Variants in SBNO2 observed in about 807,000 individuals in gnomAD.
SBNO2 encodes the protein strawberry notch homolog 2.
Under a neutral mutation model 146.3 loss-of-function variants are expected in SBNO2, and 89 were observed. The observed-to-expected ratio is 0.61, with a 90% CI of 0.51 to 0.73. The LOEUF (loss-of-function observed/expected upper bound fraction) is 0.73, where lower values mean the gene tolerates loss of function less well. Among genes scored for constraint, SBNO2 ranks in the 30% least tolerant of loss-of-function variants. The pLI is 0.00. For missense variants in SBNO2, 2,092 were observed against 2,003.7 expected (o/e 1.04, Z -0.84); for synonymous variants, 1,147 against 892.6 (o/e 1.29, Z -5.08).
In SBNO2 at chr19:1,110,957, A is replaced by AG; in HGVS notation, c.2884+61dup. ...CTCTCCCTGCTTTGCTCACCACCCGAGGCCAAGGTTGCATGAGATGAGAGA... is the reference window on the plus strand; with the variant it reads ...CTCTCCCTGCTTTGCTCACCACCCGAGGGCCAAGGTTGCATGAGATGAGAGA... On this transcript the variant is annotated intron_variant, in intron 25 of 31. Coordinates refer to ENST00000361757, the MANE Select transcript of SBNO2 (RefSeq NM_014963.3). The surrounding 1 kb of genome is among the most constrained non-coding windows in gnomAD (Gnocchi z 4.9). 6.2e-7 allele frequency: 1 copy of AG among 1,610,578 alleles called. No homozygotes were observed. The highest frequency in any genetic ancestry group is 8.5e-7 in the Non-Finnish European group (1 of 1,177,680).
chr19:1,120,228 G>A (rs2079884465), intron 11 of SBNO2: 1 of 582,024 alleles, frequency 1.7e-6, no homozygotes, highest in African/African-American at 1.9e-5. Flanking sequence ...CCATTAGATG[G>A]GTGTGGCCTG....
At chr19:1,124,945 G>A (rs2079948373) in intron 5 of SBNO2, among the ~76,000 whole-genome samples, 1 of 152,132 alleles carries the variant, frequency 6.6e-6, no homozygotes, top group Non-Finnish European at 1.5e-5. Context: ...AGACAGTGTG[G>A]ACCCCGGGAC....
intron 1 of SBNO2, among the ~76,000 whole-genome samples, chr19:1,162,446 C>G (rs1255684478): frequency 6.9e-6 from 1 of 145,216 alleles, no homozygotes; most frequent in Non-Finnish European, 1.5e-5. Context: ...GGTGAAAGAG[C>G]GAGACTCCGT....
At chr19:1,127,513 G>A (rs1324341888) in intron 5 of SBNO2, 91 bp downstream of exon 5, 2 of 1,224,070 alleles carry the variant, frequency 1.6e-6, no homozygotes, top group African/African-American at 2.9e-5. Flanking sequence ...CAGAGTGGGG[G>A]AGACTGAGAC....
intron 4 of SBNO2, among the ~76,000 whole-genome samples, chr19:1,142,674 C>T (rs1040774976): frequency 6.6e-6 from 1 of 150,624 alleles, no homozygotes; most frequent in Non-Finnish European, 1.5e-5. Context: ...AGCGAGACTC[C>T]GTCTCAAAAA....
rs112086870 is a variant in SBNO2, at chr19:1,162,015, C to T, written c.-126-7613G>A. On this transcript the variant is annotated intron_variant, in intron 1 of 31. Coordinates refer to ENST00000361757, the MANE Select transcript of SBNO2 (RefSeq NM_014963.3). ...CGTCCTGGCCCAAGGTGAGCGGGCA[C>T]GGCCACAGATGGCGCCTGGGGCCTT... Among the ~76,000 whole-genome samples the T allele has an allele frequency of 2.6e-3, 394 of 148,746 alleles. 4 individuals are homozygous for T. The highest frequency in any genetic ancestry group is 9.4e-3 in the African/African-American group (377 of 40,206).
chr19:1,112,672 A>T lies in SBNO2; in HGVS notation c.2380-135T>A. The T allele has an allele frequency of 7.0e-7, 1 of 1,432,762 alleles. No individual in the cohort carries two copies. The highest frequency in any genetic ancestry group is 9.2e-7 in the Non-Finnish European group (1 of 1,085,052). The allele number at this position is 1,432,762 out of a possible 1,614,324, so 88.8% of individuals were successfully genotyped here. The stretch of plus-strand genomic sequence containing the variant: ...GCAGCGAGAGGCCTGCGGGGCGCGG[A>T]CACCACCCGCCACACGGCCACTCGC... On this transcript the variant is annotated intron_variant, in intron 20 of 31. Coordinates refer to ENST00000361757, the MANE Select transcript of SBNO2 (RefSeq NM_014963.3). This position sits in a 1 kb window ranked among gnomAD's most constrained non-coding sequence, Gnocchi z 5.9.
rs781001227 is a variant in SBNO2, at chr19:1,109,391, C to T, written c.3249G>A (p.Ala1083=). 3.2e-6 allele frequency: 5 copies of T among 1,570,160 alleles called. No individual in the cohort carries two copies. Among genetic ancestry groups the T allele is most frequent in the East Asian group, 2.4e-5 (1 of 42,376 alleles). The change falls in exon 29 of 32, where the codon GCG becomes GCA. Residue 1083 remains alanine (A), a synonymous_variant. Transcript: ENST00000361757. The surrounding 1 kb of genome is among the most constrained non-coding windows in gnomAD (Gnocchi z 4.2). ...VRGNKPSCLL[A]EQNRGQFFTV... ...TGAAGAACTGGCCGCGGTTCTGCTC[C>T]GCCAGCAGGCAGCTGGGCTTGTTAC... is the stretch of plus-strand genomic sequence containing the variant.
chr19:1,168,069 G>A (rs1167649123), intron 1 of SBNO2, among the ~76,000 whole-genome samples: 1 of 152,156 alleles, frequency 6.6e-6, no homozygotes, highest in Non-Finnish European at 1.5e-5. Context: ...CTTGTGGGCA[G>A]GAATGTGGCC....
intron 1 of SBNO2, among the ~76,000 whole-genome samples, chr19:1,156,564 GCA>G (rs1311921204): frequency 6.6e-6 from 1 of 152,102 alleles, no homozygotes; most frequent in Non-Finnish European, 1.5e-5. Flanking sequence ...GTCCACAGCA[GCA>G]CCACTCACAA....
At chr19:1,164,846 GAGGAAC>G in intron 1 of SBNO2, among the ~76,000 whole-genome samples, 1 of 81,596 alleles carries the variant, frequency 1.2e-5, no homozygotes, top group Non-Finnish European at 2.6e-5. Flanking sequence ...GGAGGAGGAG[GAGGAAC>G]AGGAGGAGGA....
intron 4 of SBNO2, among the ~76,000 whole-genome samples, chr19:1,133,249 G>A (rs903305490): frequency 5.3e-5 from 8 of 152,182 alleles, no homozygotes; most frequent in African/African-American, 1.9e-4. Flanking sequence ...CGCGCAGGTG[G>A]CCACGGCTCC....
chr19:1,166,721 C>T (rs1169488414), intron 1 of SBNO2, among the ~76,000 whole-genome samples: 1 of 152,154 alleles, frequency 6.6e-6, no homozygotes, highest in Non-Finnish European at 1.5e-5. Context: ...CTAACCTACA[C>T]GTCTTTTTCT....
chr19:1,110,729 C>CG lies in SBNO2; in HGVS notation c.3028+15dup. 1 of 1,613,354 alleles carries CG rather than the reference C, an allele frequency of 6.2e-7. No homozygotes were observed. The highest frequency in any genetic ancestry group is 8.5e-7 in the Non-Finnish European group (1 of 1,179,614). ...ACCCACACCCACCCACACCACACCC[C>CG]GGCACCTGTGCTCACCCAGGATGCC... On this transcript the variant is annotated intron_variant, in intron 26 of 31. Transcript: ENST00000361757. This position sits in a 1 kb window ranked among gnomAD's most constrained non-coding sequence, Gnocchi z 4.9.
chr19:1,153,573 T>G (rs2080261935), intron 2 of SBNO2, among the ~76,000 whole-genome samples: 2 of 151,760 alleles, frequency 1.3e-5, no homozygotes, highest in Admixed American at 6.6e-5. Flanking sequence ...GTCTCACTCT[T>G]GTCGCCCAGG....
At chr19:1,156,648 G>A (rs1024595435) in intron 1 of SBNO2, among the ~76,000 whole-genome samples, 1 of 152,240 alleles carries the variant, frequency 6.6e-6, no homozygotes, top group Non-Finnish European at 1.5e-5. Flanking sequence ...GCCCATCCAC[G>A]TGCCAGAACA....
rs372566816 is a variant in SBNO2, at chr19:1,109,129, C to T, written c.3425+6G>A. On this transcript the variant is annotated splice_donor_region_variant and intron_variant, in intron 30 of 31. Transcript: ENST00000361757. This position sits in a 1 kb window ranked among gnomAD's most constrained non-coding sequence, Gnocchi z 4.2. ...GGTTTCCCCCTGGTCCCCGGCCCGC[C>T]CTCACCAGGCGCTGTGGCTGCAGTG... 1 of 1,551,250 alleles carries T rather than the reference C, an allele frequency of 6.4e-7. No homozygotes were observed. The highest frequency in any genetic ancestry group is 1.2e-5 in the South Asian group (1 of 84,186).
chr19:1,135,530 C>T lies in SBNO2; in HGVS notation c.280-7765G>A, dbSNP rs180785667. Reference sequence around the variant, plus strand: ...GCAGGTCAGACTGAGGATAGGGGTGCGCCGCCTAGGGACCTGCTGGGCACT... The same window carrying T: ...GCAGGTCAGACTGAGGATAGGGGTGTGCCGCCTAGGGACCTGCTGGGCACT... On this transcript the variant is annotated intron_variant, in intron 4 of 31. Transcript: ENST00000361757. 4.1e-4 allele frequency among the ~76,000 whole-genome samples: 63 copies of T among 152,328 alleles called. 1 individual carries two copies. Among genetic ancestry groups the T allele is most frequent in the African/African-American group, 1.3e-3 (56 of 41,580 alleles).
intron 4 of SBNO2, among the ~76,000 whole-genome samples, chr19:1,129,700 G>A (rs2080006480): frequency 6.6e-6 from 1 of 152,198 alleles, no homozygotes; most frequent in Non-Finnish European, 1.5e-5. Context: ...CAAGGTCAGG[G>A]GCTCCTGAGT....
Sources: allele counts gnomAD v4.1 joint callset (sites outside exome capture counted in the v4.1 genomes callset), GRCh38; gene constraint gnomAD v4.1.1; non-coding constraint Gnocchi (gnomAD v3.1); transcripts MANE v1.5; gene names NCBI Gene and HGNC (gene_info 2026-07-23, HGNC 2026-07-21).